The following SPOCK1 variants were observed in gnomAD, a reference collection of about 807,000 sequenced individuals.
SPOCK1 encodes the protein SPARC (osteonectin), cwcv and kazal like domains proteoglycan 1.
SPOCK1 carries 23 observed loss-of-function variants against 55.3 expected under a neutral mutation model. The observed-to-expected ratio is 0.42, with a 90% CI of 0.30 to 0.59. SPOCK1 has a LOEUF of 0.59. Ranked by LOEUF, SPOCK1 falls within the 20% of genes least tolerant of loss-of-function variation. The probability of loss-of-function intolerance (pLI) is 0.22; values close to 1 mark genes in which losing one functional copy is unlikely to be tolerated. For synonymous variants in SPOCK1, 226 were observed against 221.0 expected (o/e 1.02, Z -0.20); for missense variants, 499 against 552.5 (o/e 0.90, Z 0.97).
chr5:137,447,122 C>T (rs1337567925), intron 2 of SPOCK1, among the ~76,000 whole-genome samples: 1 of 152,162 alleles, frequency 6.6e-6, no homozygotes, highest in Non-Finnish European at 1.5e-5. Context: ...TATGGGTGTA[C>T]AGATATGGAG....
chr5:137,491,810 G>T (rs992443707), intron 2 of SPOCK1, among the ~76,000 whole-genome samples: 1 of 152,212 alleles, frequency 6.6e-6, no homozygotes, highest in Admixed American at 6.5e-5. Context: ...CACCTGCTGT[G>T]TGTGAGGCAT....
chr5:137,346,248 G>A (rs1750552397), intron 2 of SPOCK1, among the ~76,000 whole-genome samples: 1 of 152,184 alleles, frequency 6.6e-6, no homozygotes, highest in Non-Finnish European at 1.5e-5. Context: ...GCATTTCCTT[G>A]TGGGCCCCTC....
At chr5:137,068,203 G>GT (rs1030341209) in intron 5 of SPOCK1, among the ~76,000 whole-genome samples, 1 of 152,148 alleles carries the variant, frequency 6.6e-6, no homozygotes. Flanking sequence ...CCGTGTGGAG[G>GT]TAACACCGCT....
intron 3 of SPOCK1, among the ~76,000 whole-genome samples, chr5:137,165,052 C>T (rs1754621571): frequency 6.6e-6 from 1 of 152,176 alleles, no homozygotes; most frequent in African/African-American, 2.4e-5. Flanking sequence ...GATTGGGGAG[C>T]CCCAGGACTT....
At chr5:137,207,686 C>T (rs1230580417) in intron 3 of SPOCK1, among the ~76,000 whole-genome samples, 2 of 152,062 alleles carry the variant, frequency 1.3e-5, no homozygotes, top group African/African-American at 4.8e-5. Flanking sequence ...CAATATTTAC[C>T]GAGCACATGT....
chr5:137,366,841 A>G (rs1528959), intron 2 of SPOCK1, among the ~76,000 whole-genome samples: 24,702 of 152,220 alleles, frequency 0.16, 2,108 homozygotes, highest in East Asian at 0.27. Flanking sequence ...GAAAGAGAAC[A>G]GGGGATGGAT....
At chr5:137,066,593 T>C (rs1473579375) in intron 6 of SPOCK1, among the ~76,000 whole-genome samples, 1 of 152,246 alleles carries the variant, frequency 6.6e-6, no homozygotes, top group Non-Finnish European at 1.5e-5. Context: ...TGGCTTTAGA[T>C]TTTCTGACCA....
chr5:137,074,575 G>A (rs1752689141), intron 5 of SPOCK1, among the ~76,000 whole-genome samples: 1 of 152,198 alleles, frequency 6.6e-6, no homozygotes. Flanking sequence ...GGAGTGCAGT[G>A]ACATGATTTC....
chr5:137,089,543 C>T (rs1213940330), intron 5 of SPOCK1, among the ~76,000 whole-genome samples: 7 of 152,192 alleles, frequency 4.6e-5, no homozygotes, highest in African/African-American at 1.7e-4. Flanking sequence ...GGGAACTGTG[C>T]TGCTGCCCCT....
intron 3 of SPOCK1, among the ~76,000 whole-genome samples, chr5:137,238,650 T>C (rs1053396073): frequency 9.2e-5 from 14 of 152,218 alleles, no homozygotes; most frequent in Non-Finnish European, 1.5e-4. Context: ...TAAAATCATG[T>C]AATCATTCCA....
intron 6 of SPOCK1, among the ~76,000 whole-genome samples, chr5:137,059,030 C>G (rs1349547466): frequency 7.8e-6 from 1 of 128,450 alleles, no homozygotes; most frequent in Non-Finnish European, 1.8e-5. Context: ...ACTACATAAT[C>G]TGATTTACAT....
At chr5:137,291,903 C>T (rs937167335) in intron 2 of SPOCK1, among the ~76,000 whole-genome samples, 6 of 152,212 alleles carry the variant, frequency 3.9e-5, no homozygotes, top group Non-Finnish European at 7.3e-5. Context: ...AAAAACCCTT[C>T]CTGTTTGCAT....
intron 5 of SPOCK1, among the ~76,000 whole-genome samples, chr5:137,072,771 C>T (rs1240707749): frequency 1.3e-5 from 2 of 152,212 alleles, no homozygotes; most frequent in Non-Finnish European, 2.9e-5. Context: ...ATTGCTTTCT[C>T]CACTGTATTT....
intron 2 of SPOCK1, among the ~76,000 whole-genome samples, chr5:137,477,694 G>T (rs889561460): frequency 1.3e-5 from 2 of 152,162 alleles, no homozygotes; most frequent in African/African-American, 2.4e-5. Flanking sequence ...TCCAGGGAAT[G>T]ATCACATTTG....
intron 3 of SPOCK1, among the ~76,000 whole-genome samples, chr5:137,195,259 C>T (rs953036170): frequency 2.0e-5 from 3 of 152,202 alleles, no homozygotes; most frequent in Non-Finnish European, 2.9e-5. Context: ...CACTTTGTTT[C>T]TCTTTCCAAC....
intron 6 of SPOCK1, among the ~76,000 whole-genome samples, chr5:137,011,216 C>A (rs1399479295): frequency 6.6e-6 from 1 of 152,084 alleles, no homozygotes; most frequent in African/African-American, 2.4e-5. Context: ...ACAAAGGTAC[C>A]TTCCAAAGAA....
At chr5:137,232,889 T>C (rs1158091293) in intron 3 of SPOCK1, among the ~76,000 whole-genome samples, 1 of 152,244 alleles carries the variant, frequency 6.6e-6, no homozygotes, top group Non-Finnish European at 1.5e-5. Flanking sequence ...GTAAATATAA[T>C]ACAATTTGTA....
chr5:137,140,472 A>T, intron 4 of SPOCK1, 108 bp downstream of exon 4: 2 of 860,072 alleles, frequency 2.3e-6, no homozygotes, highest in Non-Finnish European at 1.8e-6. Flanking sequence ...GGCGACCCTA[A>T]CACTATGCTC....
intron 5 of SPOCK1, among the ~76,000 whole-genome samples, chr5:137,094,993 T>C (rs1436540861): frequency 3.3e-5 from 5 of 152,186 alleles, no homozygotes; most frequent in African/African-American, 9.7e-5. Flanking sequence ...TGTTATTAAT[T>C]AGCTTAATTT....
Sources: allele counts gnomAD v4.1 joint callset (sites outside exome capture counted in the v4.1 genomes callset), GRCh38; gene constraint gnomAD v4.1.1; transcripts MANE v1.5; gene names NCBI Gene and HGNC (gene_info 2026-07-23, HGNC 2026-07-21).